FCRL3: variants seen among roughly 807,000 people sequenced by gnomAD.
FCRL3 encodes Fc receptor-like protein 3.
A neutral mutation model predicts 75.0 loss-of-function variants in FCRL3; 89 were observed. The observed-to-expected ratio is 1.19, with a 90% CI of 1.00 to 1.42. The LOEUF is 1.42. Ranked by LOEUF, FCRL3 falls within the 40% of genes most tolerant of loss-of-function variation. The pLI is 0.00. For synonymous variants in FCRL3, 376 were observed against 348.5 expected (o/e 1.08, Z -0.88); for missense variants, 946 against 880.0 (o/e 1.07, Z -0.95).
intron 8 of FCRL3, among the ~76,000 whole-genome samples, chr1:157,691,461 G>A (rs1430165321): frequency 6.6e-6 from 1 of 152,176 alleles, no homozygotes; most frequent in Non-Finnish European, 1.5e-5. Context: ...GAATGAGTGT[G>A]AATGTGGAAA....
Position 157,676,969 on chromosome 1 carries a change from C to T in FCRL3, c.*1741G>A. ...TAGAGAAAAAAACAGCAGAATGTAT[C>T]ACATAGAAGACAGAGACATTTGCCT... On this transcript the variant is annotated 3_prime_UTR_variant, in exon 15 of 15. Coordinates refer to ENST00000368184, the MANE Select transcript of FCRL3 (RefSeq NM_052939.4). The T allele has an allele frequency of 7.3e-7, 1 of 1,378,692 alleles. No individual in the cohort carries two copies. The highest frequency in any genetic ancestry group is 3.0e-5 in the Admixed American group (1 of 33,404). The allele number at this position is 1,378,692 out of a possible 1,614,324, so 85.4% of individuals were successfully genotyped here. A position where few individuals can be genotyped will look rare whatever the true frequency, so the allele number is the denominator to read the frequency against.
rs6683713 is a variant in FCRL3, at chr1:157,678,936, A to T, written c.2058+6T>A. 426 of 1,614,094 alleles carry T rather than the reference A, an allele frequency of 2.6e-4. No individual in the cohort carries two copies. In the African/African-American group the frequency reaches 4.5e-3, roughly 17 times the overall value. ...AGAGGAAAGAAAGCCAAGAAATGTG[A>T]CTCACCTCATGCTCTTGATGCATCA... On this transcript the variant is annotated splice_donor_region_variant and intron_variant, in intron 14 of 14. Transcript: ENST00000368184.
chr1:157,681,229 G>T, intron 11 of FCRL3, 130 bp from the exon 12 acceptor site: 1 of 481,024 alleles, frequency 2.1e-6, no homozygotes, highest in Non-Finnish European at 3.5e-6. Context: ...GCTTCTGCTT[G>T]GGTCTTTTTT....
chr1:157,689,889 G>A lies in FCRL3; in HGVS notation c.1719C>T (p.Thr573=), dbSNP rs556017706. The part of the protein sequence containing the change: ...TGTSRNRTGL[T]AAGITGLVLS... ...GCACCAGCCCCGTGATTCCCGCAGCGGTAAGGCCTGTTCTGTTCCTGGAAG... is the reference window on the plus strand; with the variant it reads ...GCACCAGCCCCGTGATTCCCGCAGCAGTAAGGCCTGTTCTGTTCCTGGAAG... The change falls in exon 10 of 15, where the codon ACC becomes ACT. Residue 573 remains threonine, a synonymous_variant. Transcript: ENST00000368184. 1.4e-5 allele frequency: 22 copies of A among 1,614,032 alleles called. No individual in the cohort carries two copies. Among genetic ancestry groups the A allele is most frequent in the South Asian group, 2.2e-5 (2 of 91,078 alleles).
At chr1:157,683,163 G>A (rs879223618) in intron 11 of FCRL3, 54 bp downstream of exon 11, 76 of 1,578,442 alleles carry the variant, frequency 4.8e-5, no homozygotes, top group Middle Eastern at 1.7e-4. Context: ...AACAAGTCTC[G>A]TGCATATAAA....
In FCRL3 at chr1:157,678,529, C is replaced by T. The variant is rs546002322; in HGVS notation, c.*181G>A. 1.3e-4 allele frequency: 190 copies of T among 1,446,176 alleles called. No homozygotes were observed. Among genetic ancestry groups the T allele is most frequent in the Non-Finnish European group, 1.6e-4 (177 of 1,106,196 alleles). The allele number at this position is 1,446,176 out of a possible 1,614,324, so 89.6% of individuals were successfully genotyped here. Reference sequence around the variant, plus strand: ...TGCTTGCTCAGAGGCTGCCTGCTCTCTTCCTGGGGAACACACAGATCAGGC... The same window carrying T: ...TGCTTGCTCAGAGGCTGCCTGCTCTTTTCCTGGGGAACACACAGATCAGGC... On this transcript the variant is annotated 3_prime_UTR_variant, in exon 15 of 15. Coordinates refer to ENST00000368184, the MANE Select transcript of FCRL3 (RefSeq NM_052939.4).
At chr1:157,680,927 C>T in intron 12 of FCRL3, 54 bp downstream of exon 12, 1 of 1,497,168 alleles carries the variant, frequency 6.7e-7, no homozygotes, top group South Asian at 1.3e-5. Context: ...CGCTCAATCC[C>T]TCTTCCCTCC....
intron 10 of FCRL3, among the ~76,000 whole-genome samples, chr1:157,688,274 T>C (rs994045004): frequency 4.6e-5 from 7 of 152,146 alleles, no homozygotes; most frequent in Non-Finnish European, 8.8e-5. Flanking sequence ...CTAACACTAA[T>C]TATATTAACA....
chr1:157,695,738 C>T, intron 7 of FCRL3, 131 bp from the exon 8 acceptor site: 1 of 1,132,528 alleles, frequency 8.8e-7, no homozygotes, highest in South Asian at 1.7e-5. Flanking sequence ...TCACATTTTT[C>T]TTATCTAACA....
At chr1:157,697,048 T>C in intron 6 of FCRL3, 92 bp downstream of exon 6, 1 of 1,219,210 alleles carries the variant, frequency 8.2e-7, no homozygotes, top group Admixed American at 2.9e-5. Flanking sequence ...CACTCCTCTC[T>C]GTTATGTCCA....
chr1:157,683,072 A>T, intron 11 of FCRL3, 145 bp downstream of exon 11: 5 of 821,424 alleles, frequency 6.1e-6, no homozygotes, highest in Non-Finnish European at 9.6e-6. Context: ...TGAAAGTGAC[A>T]TTCACTTATA....
rs1464489547 is a variant in FCRL3 at position 157,697,731 on chromosome 1, AATG to A, written c.484_486del (p.His162del). 1.9e-6 allele frequency: 3 copies of A among 1,613,922 alleles called. No individual in the cohort carries two copies. The South Asian group carries it at 3.3e-5, about 18-fold the overall frequency. On this transcript the variant is annotated inframe_deletion, in exon 5 of 15. Coordinates refer to ENST00000368184, the MANE Select transcript of FCRL3 (RefSeq NM_052939.4). The stretch of plus-strand genomic sequence containing the variant: ...ATGTAAAACTTCCTATAAGCAGTAC[AATG>A]ATATTTGCTATTATCCCTGGAGACT...
At position 157,697,161 on chromosome 1, in the gene FCRL3, T is replaced by C. The variant is rs1427643108; in HGVS notation, c.823A>G (p.Arg275Gly). ...TCACTCTGTACACGTATCTGAGATC[T>C]CAGGCTCCTTTTTTTGATGCTGTGA... ...VTHSIKKRSL[R>G]SQIRVQRVPV... The change falls in exon 6 of 15, where the codon AGA (arginine) becomes GGA (glycine). Residue 275 changes from arginine to glycine, a missense_variant. Physicochemically the swap from Arg to Gly is moderately radical, Grantham distance 125. Coordinates refer to ENST00000368184, the MANE Select transcript of FCRL3 (RefSeq NM_052939.4). 6.6e-7 allele frequency: 1 copy of C among 1,510,338 alleles called. No homozygotes were observed. Among genetic ancestry groups the C allele is most frequent in the East Asian group, 2.3e-5 (1 of 43,238 alleles). 93.6% of individuals were successfully genotyped at this position (1,510,338 alleles called of 1,614,324 possible).
chr1:157,681,241 T>A (rs1049768879), intron 11 of FCRL3, 142 bp from the exon 12 acceptor site: 11 of 451,496 alleles, frequency 2.4e-5, no homozygotes, highest in African/African-American at 1.4e-4. Flanking sequence ...GTCTTTTTTT[T>A]TAATTTTATT....
chr1:157,683,750 T>A (rs780282220), intron 10 of FCRL3, among the ~76,000 whole-genome samples: 23 of 152,150 alleles, frequency 1.5e-4, no homozygotes, highest in Non-Finnish European at 2.9e-4. Context: ...AACACTGAAC[T>A]GCAAATCATG....
intron 3 of FCRL3, 33 bp downstream of exon 3, chr1:157,699,659 A>G: frequency 6.2e-7 from 1 of 1,613,100 alleles, no homozygotes; most frequent in Non-Finnish European, 8.5e-7. Context: ...CAATATCCAG[A>G]GACCAGAGGG....
At chr1:157,696,355 G>T (rs752692952) in intron 6 of FCRL3, 28 bp from the exon 7 acceptor site, 1 of 1,609,116 alleles carries the variant, frequency 6.2e-7, no homozygotes. Context: ...GGCATGTGAA[G>T]GTCCTGATGG....
intron 8 of FCRL3, among the ~76,000 whole-genome samples, chr1:157,692,968 T>A (rs955926250): frequency 6.6e-6 from 1 of 152,134 alleles, no homozygotes; most frequent in Non-Finnish European, 1.5e-5. Flanking sequence ...AGTTTAAACA[T>A]GTTCGATAGA....
chr1:157,687,487 T>C (rs1320600015), intron 10 of FCRL3, among the ~76,000 whole-genome samples: 1 of 135,984 alleles, frequency 7.4e-6, no homozygotes, highest in Non-Finnish European at 1.6e-5. Flanking sequence ...CATGCACTCA[T>C]ATGTTCATTG....
Sources: gnomAD v4.1 joint callset for allele counts (sites outside exome capture counted in the v4.1 genomes callset) on GRCh38, gnomAD v4.1.1 for gene constraint, MANE v1.5 for transcripts, NCBI Gene and HGNC (gene_info 2026-07-23, HGNC 2026-07-21) for gene names.